The following NKAIN3 variants were observed in gnomAD, a reference collection of about 807,000 sequenced individuals.
NKAIN3 encodes the protein sodium/potassium-transporting ATPase subunit beta-1-interacting protein 3.
Under a neutral mutation model 30.2 loss-of-function variants are expected in NKAIN3, and 25 were observed. The ratio of observed to expected loss-of-function variants is 0.83; its 90% CI spans 0.60 to 1.16. The LOEUF is 1.16. Among genes scored for constraint, NKAIN3 ranks in the 50% most tolerant of loss-of-function variants. NKAIN3 has a pLI of 0.00. For synonymous variants in NKAIN3, 91 were observed against 89.6 expected (o/e 1.02, Z -0.09); for missense variants, 225 against 254.1 (o/e 0.89, Z 0.78).
At chr8:62,301,703 G>T (rs140688197) in intron 1 of NKAIN3, among the ~76,000 whole-genome samples, 216 of 152,134 alleles carry the variant, frequency 1.4e-3, no homozygotes, top group African/African-American at 4.9e-3. Context: ...CATTTTGTAG[G>T]TTTGGTACAC....
chr8:62,663,894 T>C (rs1813020643), intron 3 of NKAIN3, among the ~76,000 whole-genome samples: 1 of 152,158 alleles, frequency 6.6e-6, no homozygotes, highest in Non-Finnish European at 1.5e-5. Context: ...ACAATTCCAA[T>C]GGATCTTAGG....
At chr8:62,570,403 A>G (rs1276051260) in intron 1 of NKAIN3, among the ~76,000 whole-genome samples, 1 of 152,222 alleles carries the variant, frequency 6.6e-6, no homozygotes, top group African/African-American at 2.4e-5. Context: ...CTGCTGACAA[A>G]GACATACTCG....
intron 1 of NKAIN3, among the ~76,000 whole-genome samples, chr8:62,545,889 A>C (rs971731499): frequency 3.9e-5 from 6 of 152,218 alleles, no homozygotes; most frequent in Non-Finnish European, 8.8e-5. Flanking sequence ...ATTGCTTTCC[A>C]AAAAGGCAGT....
At chr8:62,988,861 G>C (rs1165140272), downstream of NKAIN3, among the ~76,000 whole-genome samples, 1 of 152,132 alleles carries the variant, frequency 6.6e-6, no homozygotes, top group Non-Finnish European at 1.5e-5. Context: ...ACATCATCAG[G>C]CTGCAAATCT....
chr8:62,299,971 T>C (rs1813987642), intron 1 of NKAIN3, among the ~76,000 whole-genome samples: 1 of 151,980 alleles, frequency 6.6e-6, no homozygotes, highest in African/African-American at 2.4e-5. Context: ...ATAAGAAATT[T>C]GGAGAGTAGT....
At chr8:62,816,562 CATACA>C (rs1818687378) in intron 4 of NKAIN3, among the ~76,000 whole-genome samples, 1 of 152,124 alleles carries the variant, frequency 6.6e-6, no homozygotes, top group Non-Finnish European at 1.5e-5. Flanking sequence ...CTGGGGAGTA[CATACA>C]TTAGCTCCTT....
intron 3 of NKAIN3, among the ~76,000 whole-genome samples, chr8:62,705,800 G>T (rs1440691254): frequency 2.0e-5 from 3 of 152,078 alleles, no homozygotes; most frequent in African/African-American, 7.2e-5. Flanking sequence ...CCTGTTCATG[G>T]TTTCTGCATG....
rs891883920 is a variant in NKAIN3 at position 62,975,427 on chromosome 8, C to A, written c.*10020C>A. 3.3e-5 allele frequency among the ~76,000 whole-genome samples: 5 copies of A among 152,148 alleles called. No individual in the cohort carries two copies. Among genetic ancestry groups the A allele is most frequent in the Non-Finnish European group, 7.4e-5 (5 of 68,026 alleles). ...GTGTCCAGGAATTTATCCATTTCTT[C>A]TAAATTTTTTAGTTTATTTGGATAG... is the stretch of plus-strand genomic sequence containing the variant. On this transcript the variant is annotated 3_prime_UTR_variant, in exon 7 of 7. Coordinates refer to ENST00000623646, the MANE Select transcript of NKAIN3 (RefSeq NM_001304533.3).
chr8:62,562,389 T>G (rs548357539), intron 1 of NKAIN3, among the ~76,000 whole-genome samples: 1 of 152,296 alleles, frequency 6.6e-6, no homozygotes, highest in South Asian at 2.1e-4. Context: ...CAGCTTTTCA[T>G]TAATGATAAA....
intron 4 of NKAIN3, among the ~76,000 whole-genome samples, chr8:62,807,841 A>C (rs190438740): frequency 3.3e-5 from 5 of 150,508 alleles, no homozygotes; most frequent in Admixed American, 3.3e-4. Context: ...AAATACATAC[A>C]ATTTTATCAA....
chr8:62,699,787 T>A (rs1377074510), intron 3 of NKAIN3, among the ~76,000 whole-genome samples: 1 of 152,214 alleles, frequency 6.6e-6, no homozygotes, highest in Non-Finnish European at 1.5e-5. Context: ...TATTCAAACT[T>A]ATCTACTATG....
At chr8:62,327,003 T>G (rs2129589785) in intron 1 of NKAIN3, among the ~76,000 whole-genome samples, 1 of 152,168 alleles carries the variant, frequency 6.6e-6, no homozygotes, top group Non-Finnish European at 1.5e-5. Context: ...TTTTTGTTTT[T>G]TGATAGTAGC....
intron 1 of NKAIN3, among the ~76,000 whole-genome samples, chr8:62,531,689 T>TGAA (rs1440639636): frequency 6.6e-6 from 1 of 152,094 alleles, no homozygotes; most frequent in East Asian, 1.9e-4. Context: ...ACTAAAACCA[T>TGAA]GAAGAAATGA....
intron 4 of NKAIN3, among the ~76,000 whole-genome samples, chr8:62,790,308 A>T (rs934449841): frequency 6.6e-6 from 1 of 152,202 alleles, no homozygotes; most frequent in Admixed American, 6.5e-5. Flanking sequence ...GATGGGATGT[A>T]TCTCAAAATA....
intron 1 of NKAIN3, among the ~76,000 whole-genome samples, chr8:62,467,828 C>G (rs1029701990): frequency 6.6e-6 from 1 of 152,036 alleles, no homozygotes; most frequent in African/African-American, 2.4e-5. Flanking sequence ...TGCAGTGGCA[C>G]GAGCTCGTCT....
intron 1 of NKAIN3, among the ~76,000 whole-genome samples, chr8:62,404,184 G>T (rs774638219): frequency 6.6e-6 from 1 of 152,176 alleles, no homozygotes; most frequent in African/African-American, 2.4e-5. Context: ...TAACTAACTT[G>T]CTTTTGATTT....
At chr8:62,942,024 A>T (rs1471921274) in intron 5 of NKAIN3, among the ~76,000 whole-genome samples, 1 of 151,942 alleles carries the variant, frequency 6.6e-6, no homozygotes, top group Non-Finnish European at 1.5e-5. Flanking sequence ...CTACAGACTA[A>T]TCCAAAAAGA....
rs148611425 is a variant in NKAIN3, at chr8:62,312,892, C to T, written c.54+63765C>T. ...AGTTTACAATTGCAAGGCTTATGGTCCCCAAGAAACCCCTAGAAGAAAACA... is the reference window on the plus strand; with the variant it reads ...AGTTTACAATTGCAAGGCTTATGGTTCCCAAGAAACCCCTAGAAGAAAACA... On this transcript the variant is annotated intron_variant, in intron 1 of 6. Transcript: ENST00000623646. Among the ~76,000 whole-genome samples the T allele has an allele frequency of 9.0e-3, 1,359 of 151,796 alleles. 30 individuals carry two copies. Among genetic ancestry groups the T allele is most frequent in the African/African-American group, 0.031 (1,285 of 41,434 alleles).
intron 3 of NKAIN3, among the ~76,000 whole-genome samples, chr8:62,679,023 C>A (rs1813569663): frequency 6.6e-6 from 1 of 152,120 alleles, no homozygotes. Context: ...AGGCCAGAAC[C>A]AGAGACCTTC....
Sources: allele counts gnomAD v4.1 joint callset (sites outside exome capture counted in the v4.1 genomes callset), GRCh38; gene constraint gnomAD v4.1.1; transcripts MANE v1.5; gene names NCBI Gene and HGNC (gene_info 2026-07-23, HGNC 2026-07-21).